KLHL14: variants seen among roughly 807,000 people sequenced by gnomAD.
The protein encoded by KLHL14 is kelch-like protein 14.
KLHL14 carries 22 observed loss-of-function variants against 64.3 expected under a neutral mutation model. That is an observed-to-expected ratio of 0.34 (90% CI 0.24 to 0.49). The LOEUF (loss-of-function observed/expected upper bound fraction) is 0.49, where lower values mean the gene tolerates loss of function less well. Among genes scored for constraint, KLHL14 ranks in the 20% least tolerant of loss-of-function variants. The pLI is 0.99. For synonymous variants in KLHL14, 322 were observed against 333.4 expected, an observed-to-expected ratio of 0.97 and a Z score of 0.37; for missense variants, 661 against 789.0, an observed-to-expected ratio of 0.84 and a Z score of 1.94.
intron 3 of KLHL14, among the ~76,000 whole-genome samples, chr18:32,711,316 G>A (rs762301459): frequency 3.3e-5 from 5 of 151,904 alleles, no homozygotes; most frequent in Admixed American, 1.3e-4. Flanking sequence ...GGGAGAAGGA[G>A]TAGGCAAGAA....
rs532161326 is a variant in KLHL14, at chr18:32,712,089, C to G, written c.1070-16537G>C. Among the ~76,000 whole-genome samples, 10 of 145,376 alleles carry G rather than the reference C, an allele frequency of 6.9e-5. No individual in the cohort carries two copies. The South Asian group carries it at 1.5e-3, about 22-fold the overall frequency. ...ATAAAGTTTTATTGGAACACAGCCA[C>G]TTCCAACAATTTATGTATTGTCTCT... On this transcript the variant is annotated intron_variant, in intron 3 of 8. Transcript: ENST00000359358.
intron 3 of KLHL14, among the ~76,000 whole-genome samples, chr18:32,702,416 G>T (rs2049970681): frequency 6.7e-6 from 1 of 148,546 alleles, no homozygotes; most frequent in African/African-American, 2.5e-5. Context: ...TTTAAAATTT[G>T]CTAGTTAGTT....
intron 3 of KLHL14, among the ~76,000 whole-genome samples, chr18:32,733,466 A>C (rs1464798809): frequency 6.6e-6 from 1 of 152,122 alleles, no homozygotes; most frequent in African/African-American, 2.4e-5. Context: ...TCAGAAAAGA[A>C]ATGTAGCATG....
chr18:32,695,109 G>A (rs774704738), intron 4 of KLHL14, among the ~76,000 whole-genome samples: 21 of 152,174 alleles, frequency 1.4e-4, no homozygotes, highest in Non-Finnish European at 4.4e-5. Flanking sequence ...TGGGAGAAAG[G>A]TGGTGGAGAA....
intron 2 of KLHL14, among the ~76,000 whole-genome samples, chr18:32,756,323 C>A (rs576933061): frequency 6.6e-6 from 1 of 152,150 alleles, no homozygotes; most frequent in East Asian, 1.9e-4. Context: ...GCACCTTGGT[C>A]TTGAACTTCC....
Position 32,674,272 on chromosome 18 carries a change from GA to G in KLHL14, c.*384del, listed in dbSNP as rs1449185400. ...AATCATTCTTGAACACAATATCCCC[GA>G]AATGTCAACATAGATCACATGCAGG... On this transcript the variant is annotated 3_prime_UTR_variant, in exon 9 of 9. Coordinates refer to ENST00000359358, the MANE Select transcript of KLHL14 (RefSeq NM_020805.3). 3 of 162,264 alleles carry G rather than the reference GA, an allele frequency of 1.8e-5. No individual in the cohort carries two copies. The highest frequency in any genetic ancestry group is 7.2e-5 in the African/African-American group (3 of 41,816). 10.1% of individuals were successfully genotyped at this position (162,264 alleles called of 1,614,324 possible). A position where few individuals can be genotyped will look rare whatever the true frequency, so the allele number is the denominator to read the frequency against.
intron 3 of KLHL14, among the ~76,000 whole-genome samples, chr18:32,729,192 C>T (rs73411249): frequency 0.045 from 6,829 of 152,122 alleles, 515 homozygotes; most frequent in African/African-American, 0.16. Context: ...TTCCTTATTT[C>T]GTGGGGGTCA....
intron 8 of KLHL14, 66 bp from the exon 9 acceptor site, chr18:32,674,863 A>T: frequency 1.4e-6 from 1 of 710,340 alleles, no homozygotes; most frequent in Non-Finnish European, 2.6e-6. Flanking sequence ...AATGTTACTG[A>T]TCATATTTAT....
intron 3 of KLHL14, among the ~76,000 whole-genome samples, chr18:32,705,239 T>C (rs376240038): frequency 6.6e-6 from 1 of 152,358 alleles, no homozygotes; most frequent in African/African-American, 2.4e-5. Flanking sequence ...CAGTTAACAA[T>C]AACATATTAC....
At chr18:32,694,211 G>A (rs2049926202) in intron 4 of KLHL14, among the ~76,000 whole-genome samples, 1 of 152,196 alleles carries the variant, frequency 6.6e-6, no homozygotes, top group Non-Finnish European at 1.5e-5. Flanking sequence ...CCTTCAAAAA[G>A]AATGTTCTGC....
chr18:32,705,720 C>G (rs2049986854), intron 3 of KLHL14, among the ~76,000 whole-genome samples: 1 of 152,084 alleles, frequency 6.6e-6, no homozygotes, highest in Admixed American at 6.6e-5. Flanking sequence ...AAGACTGTCT[C>G]TAAATAAATA....
chr18:32,751,084 T>G (rs2144539484), intron 2 of KLHL14, among the ~76,000 whole-genome samples: 1 of 152,322 alleles, frequency 6.6e-6, no homozygotes, highest in East Asian at 1.9e-4. Flanking sequence ...ATATGGAAGC[T>G]GCTCAGATCG....
chr18:32,749,255 A>G (rs2050239897), intron 2 of KLHL14, among the ~76,000 whole-genome samples: 1 of 152,200 alleles, frequency 6.6e-6, no homozygotes, highest in Non-Finnish European at 1.5e-5. Context: ...AACAACAAGC[A>G]GTTTTGAAGT....
At chr18:32,678,754 A>G (rs574531997) in intron 7 of KLHL14, among the ~76,000 whole-genome samples, 1 of 152,256 alleles carries the variant, frequency 6.6e-6, no homozygotes, top group South Asian at 2.1e-4. Flanking sequence ...GTGCATAACT[A>G]GAATCAAACC....
intron 3 of KLHL14, among the ~76,000 whole-genome samples, chr18:32,713,475 C>T (rs544224909): frequency 1.4e-4 from 21 of 152,180 alleles, no homozygotes; most frequent in Non-Finnish European, 2.9e-4. Context: ...ATCTTTTAGG[C>T]GGTCATGGTG....
At chr18:32,693,110 C>T (rs867903519) in intron 4 of KLHL14, among the ~76,000 whole-genome samples, 2 of 152,140 alleles carry the variant, frequency 1.3e-5, no homozygotes, top group African/African-American at 2.4e-5. Flanking sequence ...ATGGTCACGG[C>T]GGCTCCTCCT....
At chr18:32,764,991 C>G (rs1023118279) in intron 2 of KLHL14, among the ~76,000 whole-genome samples, 1 of 152,042 alleles carries the variant, frequency 6.6e-6, no homozygotes, top group Non-Finnish European at 1.5e-5. Context: ...TAGATTTCAG[C>G]CTGGCTAGCA....
At chr18:32,737,467 T>A (rs1423488819) in intron 3 of KLHL14, 1 of 152,210 alleles carries the variant, frequency 6.6e-6, no homozygotes, top group African/African-American at 2.4e-5. Flanking sequence ...TAAACCATTC[T>A]GCATTGCTTG....
chr18:32,691,936 T>A (rs887032822), intron 4 of KLHL14, among the ~76,000 whole-genome samples: 8 of 152,092 alleles, frequency 5.3e-5, no homozygotes, highest in African/African-American at 1.9e-4. Context: ...TTCCAGCCAA[T>A]GGGTAGAGGA....
Sources: allele counts gnomAD v4.1 joint callset (sites outside exome capture counted in the v4.1 genomes callset), GRCh38; gene constraint gnomAD v4.1.1; transcripts MANE v1.5; gene names NCBI Gene and HGNC (gene_info 2026-07-23, HGNC 2026-07-21).